Variants in ACTR3C observed in about 807,000 individuals in gnomAD.
The protein encoded by ACTR3C is actin-related protein 3C.
A neutral mutation model predicts 26.3 loss-of-function variants in ACTR3C; 18 were observed. The ratio of observed to expected loss-of-function variants is 0.68; its 90% confidence interval spans 0.47 to 1.01. The LOEUF (loss-of-function observed/expected upper bound fraction) is 1.01. Among genes scored for constraint, ACTR3C ranks in the 50% least tolerant of loss-of-function variants. The probability of loss-of-function intolerance (pLI) is 0.00; values close to 1 mark genes in which losing one functional copy is unlikely to be tolerated. For missense variants in ACTR3C, 184 were observed against 250.7 expected, an observed-to-expected ratio of 0.73 and a Z score of 1.80; for synonymous variants, 55 against 94.5, an observed-to-expected ratio of 0.58 and a Z score of 2.42.
chr7:150,013,813 G>C, the ACTR3C span, among the ~76,000 whole-genome samples: 1 of 152,210 alleles, frequency 6.6e-6, no homozygotes, highest in Non-Finnish European at 1.5e-5. Flanking sequence ...GAAGGGAAGA[G>C]GGCATGATGG....
the ACTR3C span, among the ~76,000 whole-genome samples, chr7:149,915,862 C>T: frequency 6.7e-6 from 1 of 150,244 alleles, no homozygotes; most frequent in Non-Finnish European, 1.5e-5. Flanking sequence ...AAAACCACCA[C>T]CAGAACCTGG....
intron 1 of ACTR3C, among the ~76,000 whole-genome samples, chr7:150,310,974 C>T (rs1474814332): frequency 1.3e-5 from 2 of 152,200 alleles, no homozygotes; most frequent in Non-Finnish European, 2.9e-5. Flanking sequence ...ATGCGCTCTT[C>T]CTGCAGACCG....
chr7:150,139,208 C>T, the ACTR3C span, among the ~76,000 whole-genome samples: 30 of 152,384 alleles, frequency 2.0e-4, no homozygotes, highest in African/African-American at 3.1e-4. Context: ...CTGGGGACTG[C>T]TGCTGTAGCA....
the ACTR3C span, among the ~76,000 whole-genome samples, chr7:149,893,952 C>T: frequency 3.9e-5 from 6 of 152,104 alleles, no homozygotes; most frequent in African/African-American, 1.4e-4. Flanking sequence ...CACATGGAAC[C>T]ACAAGAGACC....
At chr7:149,943,950 A>T in the ACTR3C span, among the ~76,000 whole-genome samples, 1 of 143,086 alleles carries the variant, frequency 7.0e-6, no homozygotes. Flanking sequence ...TGGCTTGTCC[A>T]GCCATGGGAC....
the ACTR3C span, among the ~76,000 whole-genome samples, chr7:149,977,820 G>T: frequency 6.6e-6 from 1 of 152,112 alleles, no homozygotes; most frequent in Non-Finnish European, 1.5e-5. Context: ...CTGCATCATA[G>T]CCTGGTTGTA....
chr7:150,030,959 T>C, the ACTR3C span, among the ~76,000 whole-genome samples: 1 of 152,044 alleles, frequency 6.6e-6, no homozygotes, highest in African/African-American at 2.4e-5. Context: ...TGTGGCATCA[T>C]TGTAAAAAAA....
chr7:150,285,119 C>T (rs1425900624), intron 5 of ACTR3C, among the ~76,000 whole-genome samples: 3 of 152,090 alleles, frequency 2.0e-5, no homozygotes, highest in African/African-American at 7.2e-5. Context: ...CATGAATACA[C>T]AGTGATTCAG....
intron 6 of ACTR3C, among the ~76,000 whole-genome samples, chr7:150,255,405 A>G (rs1171948521): frequency 6.6e-6 from 1 of 152,078 alleles, no homozygotes; most frequent in Non-Finnish European, 1.5e-5. Flanking sequence ...AGGCTCCCAT[A>G]TGTCTTCCTG....
At chr7:150,321,992 T>C (rs952521270) in intron 1 of ACTR3C, among the ~76,000 whole-genome samples, 1 of 152,164 alleles carries the variant, frequency 6.6e-6, no homozygotes, top group African/African-American at 2.4e-5. Flanking sequence ...AAGTTCAAGG[T>C]AGCCAGGGAG....
the ACTR3C span, among the ~76,000 whole-genome samples, chr7:150,027,332 A>C: frequency 6.6e-6 from 1 of 151,506 alleles, no homozygotes; most frequent in Non-Finnish European, 1.5e-5. Flanking sequence ...GTGCAGTGGC[A>C]CAATCTCGGC....
At chr7:150,044,736 T>A in the ACTR3C span, 1 of 152,240 alleles carries the variant, frequency 6.6e-6, no homozygotes, top group African/African-American at 2.4e-5. Flanking sequence ...AGAACTATAT[T>A]TCTCAATTTG....
chr7:150,016,476 C>T, the ACTR3C span, among the ~76,000 whole-genome samples: 1 of 152,182 alleles, frequency 6.6e-6, no homozygotes. Context: ...ATCCCAGGTT[C>T]CATGCAGACC....
the ACTR3C span, among the ~76,000 whole-genome samples, chr7:150,035,265 T>A: frequency 1.4e-5 from 1 of 71,604 alleles, no homozygotes. Context: ...AGGGGCTGGC[T>A]CTCAGTCCCT....
chr7:150,288,549 C>G (rs1283144835), intron 4 of ACTR3C, among the ~76,000 whole-genome samples: 5 of 144,588 alleles, frequency 3.5e-5, no homozygotes, highest in Non-Finnish European at 5.9e-5. Flanking sequence ...TGAAGGGGCT[C>G]AATTCTGACT....
At chr7:150,253,223 G>C (rs890677173) in intron 6 of ACTR3C, among the ~76,000 whole-genome samples, 1 of 152,158 alleles carries the variant, frequency 6.6e-6, no homozygotes, top group Non-Finnish European at 1.5e-5. Context: ...TCCTCTGGCT[G>C]GTTCTGAAAT....
the ACTR3C span, among the ~76,000 whole-genome samples, chr7:150,053,571 G>C: frequency 8.5e-5 from 13 of 152,230 alleles, no homozygotes; most frequent in Non-Finnish European, 1.8e-4. Context: ...GGGAACAAGG[G>C]CTTACACTGT....
intron 1 of ACTR3C, among the ~76,000 whole-genome samples, chr7:150,299,473 A>C (rs1795230602): frequency 1.4e-5 from 2 of 143,228 alleles, no homozygotes; most frequent in Non-Finnish European, 3.0e-5. Context: ...TCAAAAAAAA[A>C]AAAAAAAAAA....
chr7:150,275,679 C>T (rs1834811828), intron 6 of ACTR3C, among the ~76,000 whole-genome samples: 1 of 151,740 alleles, frequency 6.6e-6, no homozygotes, highest in Non-Finnish European at 1.5e-5. Context: ...CCACTGCACT[C>T]CAGGCTGGGT....
Sources: gnomAD v4.1 joint callset for allele counts (sites outside exome capture counted in the v4.1 genomes callset) on GRCh38, gnomAD v4.1.1 for gene constraint, MANE v1.5 for transcripts, NCBI Gene and HGNC (gene_info 2026-07-23, HGNC 2026-07-21) for gene names.